Variants in MCF2 observed in about 807,000 individuals in gnomAD.
MCF2 encodes proto-oncogene DBL.
In MCF2, 44 loss-of-function variants were observed where a neutral mutation model predicts 82.5. That is an observed-to-expected ratio of 0.53 (90% CI 0.42 to 0.69). The LOEUF is 0.69. MCF2 is among the 30% of genes least tolerant of loss of function. The pLI is 0.00. For missense variants in MCF2, 623 were observed against 663.1 expected (o/e 0.94, Z 0.66); for synonymous variants, 217 against 224.9 (o/e 0.96, Z 0.32).
At chrX:139,640,330 A>G (rs754996867) in intron 1 of MCF2, among the ~76,000 whole-genome samples, 1 of 111,623 alleles carries the variant, frequency 9.0e-6, no homozygotes, top group South Asian at 3.8e-4. Context: ...TGGGAAAAAA[A>G]TCTCATGACC....
At chrX:139,656,479 A>G (rs1011406210) in intron 1 of MCF2, among the ~76,000 whole-genome samples, 1 of 112,561 alleles carries the variant, frequency 8.9e-6, no homozygotes, top group Non-Finnish European at 1.9e-5. Flanking sequence ...CTGTGCCAAT[A>G]AAATAACATT....
intron 1 of MCF2, among the ~76,000 whole-genome samples, chrX:139,682,938 CT>C (rs967333236): frequency 1.8e-5 from 2 of 109,741 alleles, no homozygotes; most frequent in African/African-American, 3.3e-5. Context: ...AAACTTTCTC[CT>C]TTTTTTTTGA....
intron 1 of MCF2, chrX:139,692,237 C>G: frequency 5.3e-6 from 3 of 561,318 alleles, no homozygotes; most frequent in Non-Finnish European, 8.1e-6. Flanking sequence ...CTGCCCAGCT[C>G]TGACCCGCGC....
intron 1 of MCF2, among the ~76,000 whole-genome samples, chrX:139,669,002 A>G (rs901509569): frequency 1.8e-5 from 2 of 111,838 alleles, no homozygotes; most frequent in Admixed American, 9.5e-5. Context: ...TTATTTATAC[A>G]TTACATCAAA....
At chrX:139,650,490 A>G (rs1933962086) in intron 2 of MCF2, among the ~76,000 whole-genome samples, 1 of 88,920 alleles carries the variant, frequency 1.1e-5, no homozygotes, top group Non-Finnish European at 2.3e-5. Context: ...ACTATTTAGA[A>G]GGAATAAGAT....
chrX:139,664,323 A>C (rs999396809), intron 1 of MCF2, among the ~76,000 whole-genome samples: 1 of 111,371 alleles, frequency 9.0e-6, no homozygotes, highest in African/African-American at 3.3e-5. Context: ...CAAAAAACAA[A>C]AAAAAAAAAC....
chrX:139,641,470 C>T (rs1435446056), intron 1 of MCF2, among the ~76,000 whole-genome samples: 1 of 110,860 alleles, frequency 9.0e-6, no homozygotes, highest in Non-Finnish European at 1.9e-5. Context: ...CATTTACACA[C>T]CTATTGATGT....
intron 1 of MCF2, among the ~76,000 whole-genome samples, chrX:139,692,985 G>A (rs1935308663): frequency 8.9e-6 from 1 of 112,158 alleles, no homozygotes; most frequent in Non-Finnish European, 1.9e-5. Context: ...ACACGCTTTA[G>A]AGAGGACACG....
chrX:139,635,002 G>A (rs974868453), intron 1 of MCF2, among the ~76,000 whole-genome samples: 1 of 111,420 alleles, frequency 9.0e-6, no homozygotes, highest in Admixed American at 9.5e-5. Context: ...AGGCTGAGGC[G>A]GGAGGATCAC....
At chrX:139,595,609 G>A (rs1412743501) in intron 19 of MCF2, among the ~76,000 whole-genome samples, 1 of 103,893 alleles carries the variant, frequency 9.6e-6, no homozygotes, top group African/African-American at 3.5e-5. Context: ...GATAGCTTTA[G>A]GAGATATACC....
chrX:139,656,838 C>T (rs920379849), intron 1 of MCF2, among the ~76,000 whole-genome samples: 35 of 112,094 alleles, frequency 3.1e-4, no homozygotes, highest in Non-Finnish European at 1.7e-4. Flanking sequence ...AATGCATTCA[C>T]TTAGAGCATG....
chrX:139,608,821 G>A (rs1399302392), intron 11 of MCF2, among the ~76,000 whole-genome samples: 1 of 111,493 alleles, frequency 9.0e-6, no homozygotes, highest in South Asian at 3.8e-4. Context: ...GAAAACTGAG[G>A]CTCAGACAGA....
intron 1 of MCF2, among the ~76,000 whole-genome samples, chrX:139,704,878 G>GAA (rs1350447688): frequency 1.0e-5 from 1 of 97,841 alleles, no homozygotes. Flanking sequence ...CACACAATTA[G>GAA]AAAAAAAAAA....
At chrX:139,706,936 A>AAGTT (rs1311888931) in intron 1 of MCF2, among the ~76,000 whole-genome samples, 2 of 110,314 alleles carry the variant, frequency 1.8e-5, no homozygotes, top group Admixed American at 9.7e-5. Flanking sequence ...CCATATAAAG[A>AAGTT]AGTTAGTAGA....
At chrX:139,705,313 A>AAAAC (rs950605942) in intron 1 of MCF2, among the ~76,000 whole-genome samples, 11 of 112,080 alleles carry the variant, frequency 9.8e-5, no homozygotes, top group Admixed American at 2.8e-4. Flanking sequence ...CTCAGTCTCA[A>AAAAC]AAACAAACAA....
intron 22 of MCF2, among the ~76,000 whole-genome samples, 174 bp downstream of exon 26, chrX:139,587,542 T>C (rs779131477): frequency 8.9e-6 from 1 of 111,814 alleles, no homozygotes; most frequent in East Asian, 2.8e-4. Context: ...TATTAAGAAC[T>C]ATCAGCCTCC....
chrX:139,603,717 C>T (rs1234768297), intron 15 of MCF2, among the ~76,000 whole-genome samples: 19 of 110,901 alleles, frequency 1.7e-4, no homozygotes, highest in African/African-American at 6.2e-4. Context: ...CACCTGTAGT[C>T]CCAGCTACTC....
At chrX:139,648,382 C>T (rs1165884970) in intron 2 of MCF2, among the ~76,000 whole-genome samples, 1 of 109,519 alleles carries the variant, frequency 9.1e-6, no homozygotes, top group Non-Finnish European at 1.9e-5. Flanking sequence ...TCCACGCCCC[C>T]CCCAAAAAGA....
Position 139,621,532 on chromosome X carries a change from T to C in MCF2, c.688-1826A>G, listed in dbSNP as rs1932357069. On this transcript the variant is annotated intron_variant, in intron 6 of 24. Transcript: ENST00000370576. ...AAACTAATAACTCTCAAAACACAGA[T>C]ATAGATCAATGGAACAGAACAGAGC... 1.8e-5 allele frequency among the ~76,000 whole-genome samples: 2 copies of C among 111,093 alleles called. 1 individual carries two copies. Among genetic ancestry groups the C allele is most frequent in the Non-Finnish European group, 3.8e-5 (2 of 52,866 alleles).
Sources: allele counts gnomAD v4.1 joint callset (sites outside exome capture counted in the v4.1 genomes callset), GRCh38; gene constraint gnomAD v4.1.1; transcripts MANE v1.5; gene names NCBI Gene and HGNC (gene_info 2026-07-23, HGNC 2026-07-21).